IPO5: variants seen among roughly 807,000 people sequenced by gnomAD.
The protein encoded by IPO5 is importin 5, also known as importin-5.
Under a neutral mutation model 143.3 loss-of-function variants are expected in IPO5, and 18 were observed. The observed-to-expected ratio is 0.13, with a 90% CI of 0.09 to 0.19. The LOEUF (loss-of-function observed/expected upper bound fraction) is 0.19. Among genes scored for constraint, IPO5 ranks in the 10% least tolerant of loss-of-function variants. The probability of loss-of-function intolerance (pLI) is 1.00; values close to 1 mark genes in which losing one functional copy is unlikely to be tolerated. For synonymous variants in IPO5, 477 were observed against 465.7 expected, an observed-to-expected ratio of 1.02 and a Z score of -0.31; for missense variants, 1,013 against 1,336.9, an observed-to-expected ratio of 0.76 and a Z score of 3.78.
intron 2 of IPO5, among the ~76,000 whole-genome samples, chr13:97,960,881 T>A (rs181175861): frequency 6.6e-6 from 1 of 152,262 alleles, no homozygotes; most frequent in Admixed American, 6.5e-5. Flanking sequence ...TTCTAAAGTG[T>A]ACAATGGAGT....
In IPO5 at chr13:98,004,010, G is replaced by A. The variant is rs575695299; in HGVS notation, c.1497+973G>A. Reference sequence around the variant, plus strand: ...GGATGCAACCTGAAAACAATTGAATGATGTTAGTCCAGCACAGTGTGTGAG... The same window carrying A: ...GGATGCAACCTGAAAACAATTGAATAATGTTAGTCCAGCACAGTGTGTGAG... On this transcript the variant is annotated intron_variant, in intron 16 of 28. Transcript: ENST00000651721. Among the ~76,000 whole-genome samples the A allele has an allele frequency of 3.9e-5, 6 of 152,346 alleles. 1 individual carries two copies. The South Asian group carries it at 1.2e-3, about 32-fold the overall frequency.
intron 14 of IPO5, 35 bp from the exon 15 acceptor site, chr13:98,002,646 CCTT>C (rs768851615): frequency 1.3e-5 from 21 of 1,606,628 alleles, no homozygotes; most frequent in African/African-American, 2.7e-5. Flanking sequence ...CATGTGGAAA[CCTT>C]CTTGCTTTTA....
chr13:98,013,469 C>T (rs1199226131), intron 21 of IPO5, among the ~76,000 whole-genome samples: 1 of 152,180 alleles, frequency 6.6e-6, no homozygotes, highest in African/African-American at 2.4e-5. Flanking sequence ...GTCATCATTC[C>T]TTTTACGGTA....
At chr13:97,986,047 G>T (rs2139664911) in intron 6 of IPO5, among the ~76,000 whole-genome samples, 1 of 152,142 alleles carries the variant, frequency 6.6e-6, no homozygotes, top group African/African-American at 2.4e-5. Context: ...CCCAGAAGCT[G>T]GAGACTACAG....
chr13:98,021,399 C>T, intron 28 of IPO5: 1 of 359,954 alleles, frequency 2.8e-6, no homozygotes, highest in African/African-American at 2.1e-5. Flanking sequence ...GTTTTTCTGC[C>T]TATCTTAAGA....
At chr13:98,004,994 C>A (rs1239281595) in intron 16 of IPO5, among the ~76,000 whole-genome samples, 1 of 152,080 alleles carries the variant, frequency 6.6e-6, no homozygotes, top group African/African-American at 2.4e-5. Flanking sequence ...CTCCCGGGTT[C>A]AAGCCATTCT....
At position 97,985,454 on chromosome 13, in the gene IPO5, C is replaced by G; in HGVS notation, c.205C>G (p.Leu69Val). 1 of 1,614,170 alleles carries G rather than the reference C, an allele frequency of 6.2e-7. No homozygotes were observed. Among genetic ancestry groups the G allele is most frequent in the Non-Finnish European group, 8.5e-7 (1 of 1,180,024 alleles). ...RQMAAVLLRRLLSSAFDEVYP... is the reference protein window; with the variant it reads ...RQMAAVLLRRVLSSAFDEVYP... ...AATGGCCGCCGTTCTCCTAAGACGT[C>G]TCTTGTCCTCTGCATTTGATGAAGT... Residue 69 changes from leucine to valine, a missense_variant, in exon 6 of 29, where the codon CTC becomes GTC. Leu to Val is a conservative substitution (Grantham distance 32). Coordinates refer to ENST00000651721, the MANE Select transcript of IPO5 (RefSeq NM_002271.6).
chr13:97,990,004 CAA>C (rs1484789780), intron 7 of IPO5, 120 bp from the exon 8 acceptor site: 4 of 636,398 alleles, frequency 6.3e-6, no homozygotes, highest in African/African-American at 5.6e-5. Flanking sequence ...AGATGATGTT[CAA>C]CCTATGGATT....
At chr13:97,967,873 C>T (rs565292052) in intron 2 of IPO5, among the ~76,000 whole-genome samples, 4 of 152,234 alleles carry the variant, frequency 2.6e-5, no homozygotes, top group Middle Eastern at 3.4e-3. Context: ...CCTTGTGATC[C>T]GCCCACCTCG....
In IPO5 at chr13:98,000,224, G is replaced by A. The variant is rs112958679; in HGVS notation, c.1002-315G>A. On this transcript the variant is annotated intron_variant, in intron 12 of 28. Transcript: ENST00000651721. ...AGCATGAAGCTGGGAGGCGGAGCTT[G>A]CAGTGAGCCGAGATCGTGCCACTGC... Among the ~76,000 whole-genome samples the A allele has an allele frequency of 7.5e-3, 1,148 of 152,152 alleles. 20 individuals carry two copies. The highest frequency in any genetic ancestry group is 0.026 in the African/African-American group (1,078 of 41,496).
In IPO5 at chr13:98,023,306, T is replaced by C. The variant is rs1890598640; in HGVS notation, c.*1484T>C. ...AATACCTGTGGGCTCTTGTAATGTG[T>C]GGTAATATTTGGAGCTTTATAGCCT... On this transcript the variant is annotated 3_prime_UTR_variant, in exon 29 of 29. Transcript: ENST00000651721. 1 of 152,164 alleles carries C rather than the reference T, an allele frequency of 6.6e-6. No homozygotes were observed. The highest frequency in any genetic ancestry group is 2.1e-4 in the South Asian group (1 of 4,828). The allele number at this position is 152,164 out of a possible 1,614,324, so 9.4% of individuals were successfully genotyped here.
intron 5 of IPO5, among the ~76,000 whole-genome samples, chr13:97,983,726 C>T (rs182610248): frequency 6.6e-6 from 1 of 152,126 alleles, no homozygotes; most frequent in Non-Finnish European, 1.5e-5. Context: ...ATATAAAATG[C>T]TTATCCTTGA....
At chr13:97,956,449 G>T (rs1936879146) in intron 2 of IPO5, among the ~76,000 whole-genome samples, 1 of 152,100 alleles carries the variant, frequency 6.6e-6, no homozygotes, top group African/African-American at 2.4e-5. Flanking sequence ...AAATACCTTT[G>T]CTCTGCCAGA....
intron 1 of IPO5, 96 bp downstream of exon 1, chr13:97,953,812 T>G: frequency 2.4e-6 from 1 of 417,004 alleles, no homozygotes; most frequent in South Asian, 1.7e-5. Context: ...GGAAAGAGTT[T>G]CCCTGTGAGA....
At chr13:97,956,063 T>C (rs1231076181) in intron 2 of IPO5, among the ~76,000 whole-genome samples, 1 of 146,276 alleles carries the variant, frequency 6.8e-6, no homozygotes, top group Non-Finnish European at 1.5e-5. Flanking sequence ...ACCCGGGAGG[T>C]GGAGCTTGCA....
chr13:98,017,144 A>C (rs1890169372), intron 25 of IPO5, among the ~76,000 whole-genome samples: 1 of 152,134 alleles, frequency 6.6e-6, no homozygotes. Context: ...TAAATTAATA[A>C]AAGGAAACAG....
At chr13:98,020,149 T>G (rs1449639496) in intron 27 of IPO5, among the ~76,000 whole-genome samples, 2 of 152,208 alleles carry the variant, frequency 1.3e-5, no homozygotes, top group Non-Finnish European at 2.9e-5. Flanking sequence ...CCTCAAGAGA[T>G]CCTCCCACCT....
intron 3 of IPO5, among the ~76,000 whole-genome samples, chr13:97,972,100 T>G (rs1017755791): frequency 1.3e-5 from 2 of 152,208 alleles, no homozygotes; most frequent in Admixed American, 1.3e-4. Flanking sequence ...TTGACCCTCA[T>G]AATAAATTGT....
intron 21 of IPO5, among the ~76,000 whole-genome samples, chr13:98,012,909 G>C (rs1889836172): frequency 6.7e-6 from 1 of 149,086 alleles, no homozygotes; most frequent in South Asian, 2.1e-4. Flanking sequence ...GCCCCACAAA[G>C]TTATGGGATT....
Sources: gnomAD v4.1 joint callset for allele counts (sites outside exome capture counted in the v4.1 genomes callset) on GRCh38, gnomAD v4.1.1 for gene constraint, MANE v1.5 for transcripts, NCBI Gene and HGNC (gene_info 2026-07-23, HGNC 2026-07-21) for gene names.